Variants in TIAM1 observed in about 807,000 individuals in gnomAD.
TIAM1 encodes the protein TIAM Rac1 associated GEF 1.
TIAM1 carries 65 observed loss-of-function variants against 163.5 expected under a neutral mutation model. That is an observed-to-expected ratio of 0.40 (90% CI 0.33 to 0.49). The LOEUF (loss-of-function observed/expected upper bound fraction) is 0.49, where lower values mean the gene tolerates loss of function less well. TIAM1 is among the 20% of genes least tolerant of loss of function. TIAM1 has a pLI of 0.77. For synonymous variants in TIAM1, 833 were observed against 810.1 expected, an observed-to-expected ratio of 1.03 and a Z score of -0.48; for missense variants, 1,789 against 2,044.7, an observed-to-expected ratio of 0.87 and a Z score of 2.41.
intron 15 of TIAM1, among the ~76,000 whole-genome samples, chr21:31,167,250 T>C (rs1384590257): frequency 1.3e-5 from 2 of 152,026 alleles, no homozygotes; most frequent in East Asian, 3.9e-4. Context: ...CACCACCATG[T>C]CCGGCTAACT....
chr21:31,427,416 G>A (rs760465069), intron 2 of TIAM1, among the ~76,000 whole-genome samples: 3 of 152,108 alleles, frequency 2.0e-5, no homozygotes, highest in African/African-American at 7.2e-5. Flanking sequence ...GAACCTGGAA[G>A]GCGGGGGTTG....
chr21:31,543,239 G>A (rs1283344888), intron 1 of TIAM1, among the ~76,000 whole-genome samples: 1 of 152,150 alleles, frequency 6.6e-6, no homozygotes, highest in Non-Finnish European at 1.5e-5. Context: ...TGCCCTCTCT[G>A]ATCTCTCCTG....
At chr21:31,476,778 C>T (rs2147386205) in intron 1 of TIAM1, among the ~76,000 whole-genome samples, 1 of 152,236 alleles carries the variant, frequency 6.6e-6, no homozygotes, top group East Asian at 1.9e-4. Context: ...AGCCCAAAAC[C>T]CAGGGCAGTA....
chr21:31,524,444 C>T (rs2047711740), intron 1 of TIAM1, among the ~76,000 whole-genome samples: 1 of 152,206 alleles, frequency 6.6e-6, no homozygotes, highest in Non-Finnish European at 1.5e-5. Context: ...GCCCCTCCTC[C>T]AACACCGGGA....
At chr21:31,519,590 A>C (rs1462831139) in intron 1 of TIAM1, among the ~76,000 whole-genome samples, 1 of 152,154 alleles carries the variant, frequency 6.6e-6, no homozygotes, top group Non-Finnish European at 1.5e-5. Flanking sequence ...CCCAAAAGAA[A>C]GCAAGAAATT....
At chr21:31,279,673 A>C (rs917144552) in intron 2 of TIAM1, among the ~76,000 whole-genome samples, 1 of 152,162 alleles carries the variant, frequency 6.6e-6, no homozygotes, top group Non-Finnish European at 1.5e-5. Context: ...ATTAAATGAG[A>C]TCATCTATGT....
chr21:31,466,702 T>C (rs1488671424), intron 1 of TIAM1, among the ~76,000 whole-genome samples: 2 of 152,208 alleles, frequency 1.3e-5, no homozygotes, highest in Non-Finnish European at 2.9e-5. Flanking sequence ...GAGTTGTAGC[T>C]GGTGCCCAGT....
intron 15 of TIAM1, among the ~76,000 whole-genome samples, chr21:31,179,471 T>C (rs566789306): frequency 6.6e-6 from 1 of 151,350 alleles, no homozygotes; most frequent in African/African-American, 2.4e-5. Flanking sequence ...ATAGTTATTA[T>C]CAAACTTTCA....
At chr21:31,333,566 T>C (rs1450157066) in intron 2 of TIAM1, among the ~76,000 whole-genome samples, 1 of 152,124 alleles carries the variant, frequency 6.6e-6, no homozygotes, top group Non-Finnish European at 1.5e-5. Flanking sequence ...GCTTCCTGCG[T>C]AGCTGGGACC....
intron 1 of TIAM1, among the ~76,000 whole-genome samples, chr21:31,536,988 C>T (rs1480238256): frequency 6.6e-6 from 1 of 152,240 alleles, no homozygotes; most frequent in Non-Finnish European, 1.5e-5. Flanking sequence ...ACTGCACTCC[C>T]TCAAGAGACT....
chr21:31,299,442 T>C (rs2074419205), intron 2 of TIAM1, among the ~76,000 whole-genome samples: 1 of 152,246 alleles, frequency 6.6e-6, no homozygotes. Flanking sequence ...GGACTTGCAC[T>C]GTTTGTTACG....
chr21:31,120,528 C>A lies in TIAM1; in HGVS notation c.4616G>T (p.Gly1539Val). Reference protein sequence around the residue: ...QATSISQRERGRKTLDSHASR... With the variant: ...QATSISQRERVRKTLDSHASR... The stretch of plus-strand genomic sequence containing the variant: ...CGCGTGACTATCCAGGGTTTTCCGG[C>A]CTCTTTCCCGCTGACTGATGGAGGT... The change falls in exon 28 of 28, where the codon GGC (glycine) becomes GTC (valine). Residue 1539 changes from glycine (G) to valine (V), a missense_variant. Transcript: ENST00000541036. The surrounding 1 kb of genome is among the most constrained non-coding windows in gnomAD (Gnocchi z 4.2). The A allele has an allele frequency of 6.2e-7, 1 of 1,614,224 alleles. No individual in the cohort carries two copies. The highest frequency in any genetic ancestry group is 1.1e-5 in the South Asian group (1 of 91,080).
At chr21:31,196,108 T>C (rs916627853) in intron 12 of TIAM1, among the ~76,000 whole-genome samples, 1 of 152,090 alleles carries the variant, frequency 6.6e-6, no homozygotes, top group African/African-American at 2.4e-5. Context: ...GCAAAAGACA[T>C]GAACGGGCAC....
intron 19 of TIAM1, among the ~76,000 whole-genome samples, chr21:31,147,643 G>A (rs1442380642): frequency 7.0e-6 from 1 of 143,744 alleles, no homozygotes; most frequent in Admixed American, 7.1e-5. Flanking sequence ...TATATATAGA[G>A]ATATGTTATA....
intron 2 of TIAM1, among the ~76,000 whole-genome samples, chr21:31,361,126 C>T (rs1415190229): frequency 6.6e-6 from 1 of 152,094 alleles, no homozygotes; most frequent in Non-Finnish European, 1.5e-5. Flanking sequence ...CAAATGATCA[C>T]CAGCAGTAGA....
At chr21:31,513,400 C>T (rs1569402137) in intron 1 of TIAM1, among the ~76,000 whole-genome samples, 1 of 152,186 alleles carries the variant, frequency 6.6e-6, no homozygotes, top group Non-Finnish European at 1.5e-5. Context: ...TTCTCACTAT[C>T]TCAGGTGCCC....
rs370071959 is a variant in TIAM1, at chr21:31,270,479, T to C, written c.-11-3496A>G. Among the ~76,000 whole-genome samples, 17 of 152,304 alleles carry C rather than the reference T, an allele frequency of 1.1e-4. No individual in the cohort carries two copies. The East Asian group carries it at 1.5e-3, about 14-fold the overall frequency. On this transcript the variant is annotated intron_variant, in intron 3 of 27. Transcript: ENST00000541036. ...CAGACTATGATTTACTTATATAGAA[T>C]GTTAGTGGTCCCACATAGCTCTCAT...
At chr21:31,462,220 G>A (rs755815505) in intron 2 of TIAM1, among the ~76,000 whole-genome samples, 4 of 152,126 alleles carry the variant, frequency 2.6e-5, no homozygotes, top group Admixed American at 1.3e-4. Flanking sequence ...ACAAGAAAGC[G>A]CAGCTATAAA....
intron 2 of TIAM1, among the ~76,000 whole-genome samples, chr21:31,380,451 G>A (rs2076759304): frequency 1.3e-5 from 2 of 152,300 alleles, no homozygotes; most frequent in Non-Finnish European, 2.9e-5. Context: ...GCTGAGGCAG[G>A]AGAATCACTT....
Sources: gnomAD v4.1 joint callset for allele counts (sites outside exome capture counted in the v4.1 genomes callset) on GRCh38, gnomAD v4.1.1 for gene constraint, Gnocchi (gnomAD v3.1) non-coding constraint, MANE v1.5 for transcripts, NCBI Gene and HGNC (gene_info 2026-07-23, HGNC 2026-07-21) for gene names.